Variants in NPTX1 observed in about 807,000 individuals in gnomAD.
NPTX1 encodes neuronal pentraxin-1.
A neutral mutation model predicts 38.7 loss-of-function variants in NPTX1; 12 were observed. That is an observed-to-expected ratio of 0.31 (90% CI 0.20 to 0.50). The LOEUF (loss-of-function observed/expected upper bound fraction) is 0.50, where lower values mean the gene tolerates loss of function less well. Among genes scored for constraint, NPTX1 ranks in the 20% least tolerant of loss-of-function variants. NPTX1 has a pLI of 0.98. For missense variants in NPTX1, 454 were observed against 592.2 expected, an observed-to-expected ratio of 0.77 and a Z score of 2.42; for synonymous variants, 272 against 264.9, an observed-to-expected ratio of 1.03 and a Z score of -0.26.
At chr17:80,474,990 C>G (rs2083870128) in intron 2 of NPTX1, among the ~76,000 whole-genome samples, 1 of 152,118 alleles carries the variant, frequency 6.6e-6, no homozygotes, top group Admixed American at 6.5e-5. Context: ...GGGTTCAGGA[C>G]AGAAGTGGGG....
rs1399699849 is a variant in NPTX1 at position 80,475,079 on chromosome 17, G to A, written c.652+432C>T. Among the ~76,000 whole-genome samples, 1 of 152,190 alleles carries A rather than the reference G, an allele frequency of 6.6e-6. No homozygotes were observed. Among genetic ancestry groups the A allele is most frequent in the Non-Finnish European group, 1.5e-5 (1 of 68,030 alleles). On this transcript the variant is annotated intron_variant, in intron 2 of 4. Transcript: ENST00000306773. This position sits in a 1 kb window ranked among gnomAD's most constrained non-coding sequence, Gnocchi z 6.5. ...TGCTTAACAGCCTCAGCGGCCCGGG[G>A]AACGAGAGCGCCCAGCCCCAGCCTG...
chr17:80,471,584 G>C, intron 4 of NPTX1, 148 bp downstream of exon 4: 1 of 1,300,152 alleles, frequency 7.7e-7, no homozygotes, highest in Non-Finnish European at 1.0e-6. Context: ...TGTCCACCCA[G>C]GGCACAGGCC....
chr17:80,470,783 G>A lies in NPTX1; in HGVS notation c.*30C>T, dbSNP rs1281401164. On this transcript the variant is annotated 3_prime_UTR_variant, in exon 5 of 5. Coordinates refer to ENST00000306773, the MANE Select transcript of NPTX1 (RefSeq NM_002522.4). ...CATCGCCGCACAAGCAGGGGGCGAG[G>A]GCGGGCGGGCTCAGCCTGGCCTGCC... 3 of 1,461,662 alleles carry A rather than the reference G, an allele frequency of 2.1e-6. No homozygotes were observed. The highest frequency in any genetic ancestry group is 2.8e-6 in the Non-Finnish European group (3 of 1,059,972). The allele number at this position is 1,461,662 out of a possible 1,614,324, so 90.5% of individuals were successfully genotyped here. A position where few individuals can be genotyped will look rare whatever the true frequency, so the allele number is the denominator to read the frequency against.
In NPTX1 at chr17:80,475,562, T is replaced by C. The variant is rs768565614; in HGVS notation, c.601A>G (p.Ile201Val). ...PRNDTEERVK[I>V]ETALTSLHQR... ...TGCAGGGAGGTCAGGGCGGTCTCGA[T>C]CTTGACCCTCTCCTCGGTGTCGTTC... Residue 201 changes from isoleucine to valine, a missense_variant, in exon 2 of 5, where the codon ATC becomes GTC. Physicochemically the swap from Ile to Val is conservative, Grantham distance 29. This residue lies in a region of NPTX1 where 288 missense variants were observed against 318.4 expected (regional missense o/e 0.90). Transcript: ENST00000306773. This position sits in a 1 kb window ranked among gnomAD's most constrained non-coding sequence, Gnocchi z 6.5. The C allele has an allele frequency of 1.9e-6, 3 of 1,612,896 alleles. No individual in the cohort carries two copies. Among genetic ancestry groups the C allele is most frequent in the Non-Finnish European group, 2.5e-6 (3 of 1,179,894 alleles).
intron 3 of NPTX1, 60 bp from the exon 4 acceptor site, chr17:80,471,971 A>G (rs2083845040): frequency 6.9e-7 from 1 of 1,443,722 alleles, no homozygotes; most frequent in Admixed American, 2.3e-5. Context: ...CAGAAGCCAT[A>G]ATCTTCACTG....
In NPTX1 at chr17:80,476,067, G is replaced by A. The variant is rs751876255; in HGVS notation, c.380C>T (p.Ala127Val). The change falls in exon 1 of 5, where the codon GCC becomes GTC. Residue 127 changes from alanine to valine, a missense_variant. By Grantham distance (64) the Ala-to-Val change is moderately conservative (BLOSUM62 0). This residue lies in a region of NPTX1 where 288 missense variants were observed against 318.4 expected (regional missense o/e 0.90). Transcript: ENST00000306773. This position sits in a 1 kb window ranked among gnomAD's most constrained non-coding sequence, Gnocchi z 6.3. ...TMGDLSRTPAAETLSQLGQTL... is the reference protein window; with the variant it reads ...TMGDLSRTPAVETLSQLGQTL... Reference sequence around the variant, plus strand: ...TTGCCCGAGTTGGCTGAGCGTCTCGGCGGCCGGTGTCCGGGACAGGTCGCC... The same window carrying A: ...TTGCCCGAGTTGGCTGAGCGTCTCGACGGCCGGTGTCCGGGACAGGTCGCC... 1.9e-6 allele frequency: 3 copies of A among 1,608,582 alleles called. No homozygotes were observed. Among genetic ancestry groups the A allele is most frequent in the Middle Eastern group, 1.7e-4 (1 of 6,046 alleles).
chr17:80,475,158 A>G lies in NPTX1; in HGVS notation c.652+353T>C, dbSNP rs2083871659. On this transcript the variant is annotated intron_variant, in intron 2 of 4. Transcript: ENST00000306773. This position sits in a 1 kb window ranked among gnomAD's most constrained non-coding sequence, Gnocchi z 6.5. ...CAGGGAGAGACAGGCTTTCTTAAGC[A>G]GGGAGGGTTTGAGCCAGCGACAGCC... 6.6e-6 allele frequency among the ~76,000 whole-genome samples: 1 copy of G among 152,168 alleles called. No homozygotes were observed. Among genetic ancestry groups the G allele is most frequent in the Admixed American group, 6.5e-5 (1 of 15,276 alleles).
rs1329907538 is a variant in NPTX1, at chr17:80,467,201, A to G, written c.*3612T>C. The G allele has an allele frequency of 4.9e-5, 6 of 123,196 alleles. No individual in the cohort carries two copies. Among genetic ancestry groups the G allele is most frequent in the Non-Finnish European group, 9.8e-5 (6 of 61,104 alleles). The allele number at this position is 123,196 out of a possible 1,614,324, so 7.6% of individuals were successfully genotyped here. On this transcript the variant is annotated 3_prime_UTR_variant, in exon 5 of 5. Coordinates refer to ENST00000306773, the MANE Select transcript of NPTX1 (RefSeq NM_002522.4). ...GTATTGGGCTTTTTTTTTCTCTTCA[A>G]TGACTTGTTCCCTTTCAACAAATTG... is the stretch of plus-strand genomic sequence containing the variant.
rs986761786 is a variant in NPTX1 at position 80,469,636 on chromosome 17, G to A, written c.*1177C>T. 6.6e-6 allele frequency: 1 copy of A among 152,272 alleles called. No individual in the cohort carries two copies. The highest frequency in any genetic ancestry group is 1.5e-5 in the Non-Finnish European group (1 of 68,080). The allele number at this position is 152,272 out of a possible 1,614,324, so 9.4% of individuals were successfully genotyped here. A position where few individuals can be genotyped will look rare whatever the true frequency, so the allele number is the denominator to read the frequency against. ...CCTGGCTCCACACGTGAGGTCTCTGGAGTACCCCTGGAGGGGTCTGAACCA... is the reference window on the plus strand; with the variant it reads ...CCTGGCTCCACACGTGAGGTCTCTGAAGTACCCCTGGAGGGGTCTGAACCA... On this transcript the variant is annotated 3_prime_UTR_variant, in exon 5 of 5. Transcript: ENST00000306773.
chr17:80,468,735 T>G lies in NPTX1; in HGVS notation c.*2078A>C, dbSNP rs1361498347. On this transcript the variant is annotated 3_prime_UTR_variant, in exon 5 of 5. Transcript: ENST00000306773. ...CCTTGACTTGCTTACCCAGCCATTT[T>G]CAGTAGCTACACGGGTGGTCACAGA... 1 of 152,294 alleles carries G rather than the reference T, an allele frequency of 6.6e-6. No individual in the cohort carries two copies. The highest frequency in any genetic ancestry group is 2.4e-5 in the African/African-American group (1 of 41,456). The allele number at this position is 152,294 out of a possible 1,614,324, so 9.4% of individuals were successfully genotyped here. A position where few individuals can be genotyped will look rare whatever the true frequency, so the allele number is the denominator to read the frequency against.
chr17:80,475,461 T>C lies in NPTX1; in HGVS notation c.652+50A>G. On this transcript the variant is annotated intron_variant, in intron 2 of 4. Transcript: ENST00000306773. This position sits in a 1 kb window ranked among gnomAD's most constrained non-coding sequence, Gnocchi z 6.5. Reference sequence around the variant, plus strand: ...GTTAGGGATCGGGACCGAGGCAGGGTCGGGCAAGCAGGTGCAGGCAGGCAG... The same window carrying C: ...GTTAGGGATCGGGACCGAGGCAGGGCCGGGCAAGCAGGTGCAGGCAGGCAG... 6.6e-7 allele frequency: 1 copy of C among 1,506,168 alleles called. No individual in the cohort carries two copies. Among genetic ancestry groups the C allele is most frequent in the Non-Finnish European group, 9.1e-7 (1 of 1,101,076 alleles). 93.3% of individuals were successfully genotyped at this position (1,506,168 alleles called of 1,614,324 possible).
Position 80,475,793 on chromosome 17 carries a change from G to T in NPTX1, c.445-75C>A. 8.1e-7 allele frequency: 1 copy of T among 1,227,836 alleles called. No individual in the cohort carries two copies. The highest frequency in any genetic ancestry group is 1.2e-6 in the Non-Finnish European group (1 of 862,630). 76.1% of individuals were successfully genotyped at this position (1,227,836 alleles called of 1,614,324 possible). A position where few individuals can be genotyped will look rare whatever the true frequency, so the allele number is the denominator to read the frequency against. ...GACCGTGCTGGAAGGCCCGCGGCGC[G>T]GTCCCCTCTGGGCGACTGCGGGGGC... On this transcript the variant is annotated intron_variant, in intron 1 of 4. Coordinates refer to ENST00000306773, the MANE Select transcript of NPTX1 (RefSeq NM_002522.4). This position sits in a 1 kb window ranked among gnomAD's most constrained non-coding sequence, Gnocchi z 6.5.
Position 80,469,428 on chromosome 17 carries a change from C to A in NPTX1, c.*1385G>T. ...ACACAAATGCACATACACTTCTCTC[C>A]CCTCCTTGGAAGGACTAGAAGGAAA... On this transcript the variant is annotated 3_prime_UTR_variant, in exon 5 of 5. Transcript: ENST00000306773. The A allele has an allele frequency of 6.6e-6, 1 of 152,428 alleles. No homozygotes were observed. The allele number at this position is 152,428 out of a possible 1,614,324, so 9.4% of individuals were successfully genotyped here. A position where few individuals can be genotyped will look rare whatever the true frequency, so the allele number is the denominator to read the frequency against.
Position 80,470,436 on chromosome 17 carries a change from G to A in NPTX1, c.*377C>T, listed in dbSNP as rs2083834078. On this transcript the variant is annotated 3_prime_UTR_variant, in exon 5 of 5. Coordinates refer to ENST00000306773, the MANE Select transcript of NPTX1 (RefSeq NM_002522.4). ...CCAAAGCCAGAAGAAAGAAGGAAAT[G>A]AGGTACGTCCTCAAAGAAAAGGCCT... The A allele has an allele frequency of 6.1e-6, 1 of 164,872 alleles. No individual in the cohort carries two copies. Among genetic ancestry groups the A allele is most frequent in the African/African-American group, 2.4e-5 (1 of 41,882 alleles). 10.2% of individuals were successfully genotyped at this position (164,872 alleles called of 1,614,324 possible). A position where few individuals can be genotyped will look rare whatever the true frequency, so the allele number is the denominator to read the frequency against.
Position 80,476,109 on chromosome 17 carries a change from G to A in NPTX1, c.338C>T (p.Ser113Leu), listed in dbSNP as rs775120856. The A allele has an allele frequency of 3.1e-6, 5 of 1,602,494 alleles. No individual in the cohort carries two copies. In the Admixed American group the frequency reaches 5.0e-5, roughly 16 times the overall value. The change falls in exon 1 of 5, where the codon TCG (serine) becomes TTG (leucine). Residue 113 changes from serine (S) to leucine (L), a missense_variant. Coordinates refer to ENST00000306773, the MANE Select transcript of NPTX1 (RefSeq NM_002522.4). This position sits in a 1 kb window ranked among gnomAD's most constrained non-coding sequence, Gnocchi z 6.3. ...RAGGGRKQPG[S>L]GKNTMGDLSR... is the part of the protein sequence containing the mutation. The stretch of plus-strand genomic sequence containing the variant: ...CAGGTCGCCCATGGTGTTCTTGCCC[G>A]AGCCGGGCTGCTTGCGGCCGCCGCC...
Position 80,475,761 on chromosome 17 carries a change from G to T in NPTX1, c.445-43C>A. Reference sequence around the variant, plus strand: ...GGGGGAAACCACACCGTTAGGCGAGGCGCGGGGACCGTGCTGGAAGGCCCG... The same window carrying T: ...GGGGGAAACCACACCGTTAGGCGAGTCGCGGGGACCGTGCTGGAAGGCCCG... On this transcript the variant is annotated intron_variant, in intron 1 of 4. Coordinates refer to ENST00000306773, the MANE Select transcript of NPTX1 (RefSeq NM_002522.4). The surrounding 1 kb of genome is among the most constrained non-coding windows in gnomAD (Gnocchi z 6.5). 6.8e-7 allele frequency: 1 copy of T among 1,476,792 alleles called. No homozygotes were observed. Among genetic ancestry groups the T allele is most frequent in the Non-Finnish European group, 9.3e-7 (1 of 1,070,620 alleles). 91.5% of individuals were successfully genotyped at this position (1,476,792 alleles called of 1,614,324 possible).
chr17:80,476,407 C>A lies in NPTX1; in HGVS notation c.40G>T (p.Ala14Ser). The change falls in exon 1 of 5, where the codon GCC becomes TCC. Residue 14 changes from alanine (A) to serine (S), a missense_variant. Physicochemically the swap from Ala to Ser is moderately conservative, Grantham distance 99 (BLOSUM62 1). Coordinates refer to ENST00000306773, the MANE Select transcript of NPTX1 (RefSeq NM_002522.4). The surrounding 1 kb of genome is among the most constrained non-coding windows in gnomAD (Gnocchi z 6.3). ...GRAARTCALL[A>S]LCLLGAGAQD... ...GCCCCGGCGCCCAGGAGGCAGAGGG[C>A]GAGCAGCGCACAGGTGCGCGCGGCG... 6.6e-7 allele frequency: 1 copy of A among 1,505,118 alleles called. No individual in the cohort carries two copies. The highest frequency in any genetic ancestry group is 1.2e-5 in the South Asian group (1 of 81,250). 93.2% of individuals were successfully genotyped at this position (1,505,118 alleles called of 1,614,324 possible).
Position 80,473,389 on chromosome 17 carries a change from G to A in NPTX1, c.708C>T (p.Thr236=). 1 of 1,613,940 alleles carries A rather than the reference G, an allele frequency of 6.2e-7. No homozygotes were observed. The highest frequency in any genetic ancestry group is 8.5e-7 in the Non-Finnish European group (1 of 1,179,866). The change falls in exon 3 of 5, where the codon ACC becomes ACT. Residue 236 remains threonine, a synonymous_variant. Coordinates refer to ENST00000306773, the MANE Select transcript of NPTX1 (RefSeq NM_002522.4). ...TCTTCACCTTGGCATACATATAGTT[G>A]GTCCGCAGTGGGAATGTGAGCTGGA... is the stretch of plus-strand genomic sequence containing the variant. The part of the protein sequence containing the change: ...DKFQLTFPLR[T]NYMYAKVKKS...
At position 80,471,735 on chromosome 17, in the gene NPTX1, C is replaced by T; in HGVS notation, c.1074G>A (p.Glu358=). The change falls in exon 4 of 5, where the codon GAG becomes GAA. Residue 358 remains glutamate (E), a synonymous_variant. Transcript: ENST00000306773. ...KPQGVLVLGQ[E]QDTLGGGFDA... is the part of the protein sequence containing the mutation. The stretch of plus-strand genomic sequence containing the variant: ...CCCACCACATCCAGCACAGTACCTG[C>T]TCCTGGCCCAGCACCAGCACGCCCT... 2 of 1,611,848 alleles carry T rather than the reference C, an allele frequency of 1.2e-6. No homozygotes were observed. Among genetic ancestry groups the T allele is most frequent in the Non-Finnish European group, 1.7e-6 (2 of 1,179,452 alleles).
Sources: gnomAD v4.1 joint callset for allele counts (sites outside exome capture counted in the v4.1 genomes callset) on GRCh38, gnomAD v4.1.1 for gene constraint, gnomAD v4.1.1 regional missense constraint, Gnocchi (gnomAD v3.1) non-coding constraint, MANE v1.5 for transcripts, NCBI Gene and HGNC (gene_info 2026-07-23, HGNC 2026-07-21) for gene names.